POU2F1: variants seen among roughly 807,000 people sequenced by gnomAD.
The protein encoded by POU2F1 is POU domain, class 2, transcription factor 1.
A neutral mutation model predicts 84.9 loss-of-function variants in POU2F1; 16 were observed. The observed-to-expected ratio is 0.19, with a 90% confidence interval of 0.13 to 0.29. The LOEUF is 0.29. Ranked by LOEUF, POU2F1 falls within the 10% of genes least tolerant of loss-of-function variation. The pLI, the probability that POU2F1 is intolerant of heterozygous loss-of-function variation, is 1.00. For missense variants in POU2F1, 738 were observed against 942.6 expected, an observed-to-expected ratio of 0.78 and a Z score of 2.84; for synonymous variants, 368 against 368.3, an observed-to-expected ratio of 1.00 and a Z score of 0.01.
At chr1:167,242,516 GTGTT>G (rs1215605405) in intron 1 of POU2F1, among the ~76,000 whole-genome samples, 7 of 152,208 alleles carry the variant, frequency 4.6e-5, no homozygotes, top group African/African-American at 9.7e-5. Flanking sequence ...GAAGCACTAA[GTGTT>G]TGAGCACATC....
chr1:167,424,690 C>T lies in POU2F1; in HGVS notation c.*8880C>T, dbSNP rs975635310. On this transcript the variant is annotated 3_prime_UTR_variant, in exon 16 of 16. Transcript: ENST00000367866. ...GCCTCTGAATGTCGCTGCTTAAAAG[C>T]TACTGCAAACTGAGGGCAAATTGCA... 5 of 152,250 alleles carry T rather than the reference C, an allele frequency of 3.3e-5. No individual in the cohort carries two copies. The highest frequency in any genetic ancestry group is 1.2e-4 in the African/African-American group (5 of 41,460). The allele number at this position is 152,250 out of a possible 1,614,324, so 9.4% of individuals were successfully genotyped here. A position where few individuals can be genotyped will look rare whatever the true frequency, so the allele number is the denominator to read the frequency against.
At chr1:167,395,843 A>C (rs1453897219) in intron 9 of POU2F1, among the ~76,000 whole-genome samples, 1 of 152,034 alleles carries the variant, frequency 6.6e-6, no homozygotes, top group African/African-American at 2.4e-5. Context: ...CAAGCATTCC[A>C]CCCATGTAGG....
chr1:167,341,048 A>G (rs1657815144), intron 2 of POU2F1, among the ~76,000 whole-genome samples: 1 of 152,168 alleles, frequency 6.6e-6, no homozygotes, highest in Non-Finnish European at 1.5e-5. Flanking sequence ...GAAACAGTCA[A>G]AGCTGAGATG....
At chr1:167,412,423 C>G in intron 14 of POU2F1, 119 bp downstream of exon 14, 1 of 919,500 alleles carries the variant, frequency 1.1e-6, no homozygotes, top group Non-Finnish European at 1.6e-6. Flanking sequence ...AAGCAGTAAT[C>G]TCTTTGAAGT....
In POU2F1 at chr1:167,353,782, G is replaced by A. The variant is rs543707103; in HGVS notation, c.128-11685G>A. ...AAACTTGTATGTAAACATGAATGTA[G>A]CGTTTAAGTACTCATATCTACCACT... On this transcript the variant is annotated intron_variant, in intron 2 of 15. Coordinates refer to ENST00000367866, the MANE Select transcript of POU2F1 (RefSeq NM_002697.4). Among the ~76,000 whole-genome samples, 10 of 152,192 alleles carry A rather than the reference G, an allele frequency of 6.6e-5. 1 individual carries two copies. In the East Asian group the frequency reaches 1.9e-3, roughly 29 times the overall value.
intron 1 of POU2F1, 120 bp downstream of exon 1, chr1:167,221,078 A>G (rs1015397343): frequency 9.9e-6 from 9 of 908,180 alleles, no homozygotes; most frequent in African/African-American, 3.4e-5. Flanking sequence ...CGGCGGGGAG[A>G]TGGGGGGCCG....
chr1:167,269,420 A>G (rs1652204571), intron 1 of POU2F1, among the ~76,000 whole-genome samples: 1 of 152,242 alleles, frequency 6.6e-6, no homozygotes, highest in South Asian at 2.1e-4. Context: ...CAAAGAATAA[A>G]TAGCTGATGA....
At position 167,398,166 on chromosome 1, in the gene POU2F1, A is replaced by T. The variant is rs752816145; in HGVS notation, c.1269+33A>T. 10 of 1,609,170 alleles carry T rather than the reference A, an allele frequency of 6.2e-6. No homozygotes were observed. The African/African-American group carries it at 1.2e-4, about 19-fold the overall frequency. On this transcript the variant is annotated intron_variant, in intron 11 of 15. Coordinates refer to ENST00000367866, the MANE Select transcript of POU2F1 (RefSeq NM_002697.4). Reference sequence around the variant, plus strand: ...AGGATTTTACTTTTCTGTACATGGGATTGTCTGTGTAGTACTTAACATTAG... The same window carrying T: ...AGGATTTTACTTTTCTGTACATGGGTTTGTCTGTGTAGTACTTAACATTAG...
In POU2F1 at chr1:167,426,235, A is replaced by G. The variant is rs1650939271; in HGVS notation, c.*10425A>G. 4.8e-5 allele frequency: 1 copy of G among 20,620 alleles called. No individual in the cohort carries two copies. Among genetic ancestry groups the G allele is most frequent in the Non-Finnish European group, 3.8e-3 (1 of 266 alleles). 1.3% of individuals were successfully genotyped at this position (20,620 alleles called of 1,614,324 possible). The stretch of plus-strand genomic sequence containing the variant: ...GTATATTTTGGTATATTTCTGGGAT[A>G]TTAAAAAAAAAATGTCGTTTAACTT... On this transcript the variant is annotated 3_prime_UTR_variant, in exon 16 of 16. Transcript: ENST00000367866.
intron 4 of POU2F1, among the ~76,000 whole-genome samples, chr1:167,371,475 T>C (rs1351786166): frequency 1.3e-5 from 2 of 152,244 alleles, no homozygotes; most frequent in Non-Finnish European, 2.9e-5. Context: ...TTTACCGTTC[T>C]GTAAAATATT....
rs559303598 is a variant in POU2F1, at chr1:167,325,536, A to G, written c.62-6934A>G. ...TTGTGATTTAGTTGTCATTGCCCTC[A>G]ATTTCATTTCTAATGATACCTACAC... On this transcript the variant is annotated intron_variant, in intron 1 of 15. Coordinates refer to ENST00000367866, the MANE Select transcript of POU2F1 (RefSeq NM_002697.4). 4.6e-5 allele frequency among the ~76,000 whole-genome samples: 7 copies of G among 152,220 alleles called. No homozygotes were observed. The South Asian group carries it at 1.0e-3, about 23-fold the overall frequency.
chr1:167,230,344 C>G (rs1557831850), intron 1 of POU2F1, among the ~76,000 whole-genome samples: 1 of 152,022 alleles, frequency 6.6e-6, no homozygotes. Context: ...AGCTTAGTAA[C>G]TTTAGGACAA....
intron 1 of POU2F1, among the ~76,000 whole-genome samples, chr1:167,224,984 A>G (rs1370460410): frequency 2.6e-5 from 4 of 151,856 alleles, no homozygotes; most frequent in African/African-American, 9.7e-5. Context: ...ATGCGCCATG[A>G]CGCCCGGCTA....
intron 15 of POU2F1, chr1:167,414,856 A>G: frequency 5.0e-6 from 3 of 604,656 alleles, no homozygotes; most frequent in Non-Finnish European, 6.2e-6. Flanking sequence ...CCTTTTTGCA[A>G]GATGATTTTC....
chr1:167,340,299 C>G (rs941061947), intron 2 of POU2F1, among the ~76,000 whole-genome samples: 1 of 152,002 alleles, frequency 6.6e-6, no homozygotes, highest in Non-Finnish European at 1.5e-5. Context: ...AGGCTGGTCT[C>G]GAACTCCTGA....
chr1:167,270,387 G>A (rs1166896298), intron 1 of POU2F1, among the ~76,000 whole-genome samples: 1 of 151,942 alleles, frequency 6.6e-6, no homozygotes, highest in Non-Finnish European at 1.5e-5. Context: ...GTTTTTTTGG[G>A]TACAGCAGTC....
At chr1:167,355,391 C>T (rs1032248285) in intron 2 of POU2F1, among the ~76,000 whole-genome samples, 1 of 152,104 alleles carries the variant, frequency 6.6e-6, no homozygotes, top group African/African-American at 2.4e-5. Context: ...TATGCTAATA[C>T]CACACTGCCT....
At chr1:167,232,398 C>T (rs890095437) in intron 1 of POU2F1, among the ~76,000 whole-genome samples, 4 of 151,764 alleles carry the variant, frequency 2.6e-5, no homozygotes, top group African/African-American at 9.7e-5. Flanking sequence ...TAGTTGTTAA[C>T]AAAAACATTT....
intron 1 of POU2F1, among the ~76,000 whole-genome samples, chr1:167,304,894 GA>G (rs1227971820): frequency 4.6e-5 from 7 of 151,622 alleles, no homozygotes; most frequent in South Asian, 2.1e-4. Context: ...CACCTTTAAT[GA>G]AAAAAAATGA....
Sources: gnomAD v4.1 joint callset for allele counts (sites outside exome capture counted in the v4.1 genomes callset) on GRCh38, gnomAD v4.1.1 for gene constraint, MANE v1.5 for transcripts, NCBI Gene and HGNC (gene_info 2026-07-23, HGNC 2026-07-21) for gene names.